The following IL1RAPL2 variants were observed in gnomAD, a reference collection of about 807,000 sequenced individuals.
The protein encoded by IL1RAPL2 is interleukin 1 receptor accessory protein like 2.
Under a neutral mutation model 44.1 loss-of-function variants are expected in IL1RAPL2, and 3 were observed. The ratio of observed to expected loss-of-function variants is 0.07; its 90% CI spans 0.03 to 0.18. The LOEUF (loss-of-function observed/expected upper bound fraction) is 0.18, where lower values mean the gene tolerates loss of function less well. Ranked by LOEUF, IL1RAPL2 falls within the 10% of genes least tolerant of loss-of-function variation. The pLI is 1.00. For missense variants in IL1RAPL2, 391 were observed against 496.4 expected, an observed-to-expected ratio of 0.79 and a Z score of 2.02; for synonymous variants, 181 against 178.8, an observed-to-expected ratio of 1.01 and a Z score of -0.10.
intron 1 of IL1RAPL2, among the ~76,000 whole-genome samples, chrX:104,585,341 TATTA>T (rs1928522023): frequency 7.2e-5 from 1 of 13,841 alleles, no homozygotes; most frequent in Non-Finnish European, 1.0e-4. Flanking sequence ...ATATATTATA[TATTA>T]TATATATTAT....
At chrX:104,626,460 G>A (rs1424045269) in intron 1 of IL1RAPL2, among the ~76,000 whole-genome samples, 1 of 110,350 alleles carries the variant, frequency 9.1e-6, no homozygotes, top group Non-Finnish European at 1.9e-5. Context: ...AAATAAATAT[G>A]AAATATAGAG....
intron 5 of IL1RAPL2, among the ~76,000 whole-genome samples, chrX:105,461,653 T>C (rs2147766693): frequency 8.9e-6 from 1 of 111,784 alleles, no homozygotes; most frequent in Admixed American, 9.5e-5. Flanking sequence ...CACTGATCCT[T>C]CCATCAGAAT....
chrX:104,606,334 C>T (rs1049636729), intron 1 of IL1RAPL2, among the ~76,000 whole-genome samples: 1 of 111,463 alleles, frequency 9.0e-6, no homozygotes, highest in African/African-American at 3.3e-5. Context: ...ATAATAAGAG[C>T]TATTTATGAC....
At chrX:104,635,700 C>G (rs1392656276) in intron 1 of IL1RAPL2, among the ~76,000 whole-genome samples, 1 of 111,819 alleles carries the variant, frequency 8.9e-6, no homozygotes, top group African/African-American at 3.3e-5. Flanking sequence ...CCATCAGCTC[C>G]TTTAAGGACT....
At chrX:104,576,966 C>T (rs5962953) in intron 1 of IL1RAPL2, among the ~76,000 whole-genome samples, 48,956 of 110,866 alleles carry the variant, frequency 0.44, 8,563 homozygotes, top group Middle Eastern at 0.64. Context: ...CTTTCTTTCC[C>T]ATCTGTTTCC....
chrX:105,180,783 T>C (rs1429387292), intron 2 of IL1RAPL2, among the ~76,000 whole-genome samples: 1 of 112,031 alleles, frequency 8.9e-6, no homozygotes, highest in East Asian at 2.8e-4. Context: ...TCATCAGATA[T>C]ATTGGCTTGT....
intron 2 of IL1RAPL2, among the ~76,000 whole-genome samples, chrX:105,158,384 A>G (rs779997397): frequency 6.3e-4 from 71 of 111,932 alleles, no homozygotes; most frequent in African/African-American, 2.3e-3. Flanking sequence ...AATCTAGGCA[A>G]GGACCTCAAT....
intron 5 of IL1RAPL2, among the ~76,000 whole-genome samples, chrX:105,326,830 G>T (rs930995812): frequency 2.7e-5 from 3 of 111,326 alleles, no homozygotes; most frequent in African/African-American, 9.8e-5. Context: ...TCTTTACCAA[G>T]ATTGTTCTGG....
At chrX:104,912,224 G>A (rs1033337068) in intron 2 of IL1RAPL2, among the ~76,000 whole-genome samples, 7 of 109,339 alleles carry the variant, frequency 6.4e-5, no homozygotes, top group Non-Finnish European at 1.3e-4. Context: ...GGCTGGGGAG[G>A]CACTAAATAT....
At chrX:104,782,718 A>G (rs1295584918) in intron 2 of IL1RAPL2, among the ~76,000 whole-genome samples, 1 of 111,737 alleles carries the variant, frequency 8.9e-6, no homozygotes, top group Non-Finnish European at 1.9e-5. Context: ...TGGAAATATC[A>G]GCAATGATTT....
At chrX:105,077,903 G>T (rs2032335181) in intron 2 of IL1RAPL2, among the ~76,000 whole-genome samples, 1 of 111,285 alleles carries the variant, frequency 9.0e-6, no homozygotes, top group African/African-American at 3.3e-5. Context: ...GGTCCTTTAA[G>T]GACTTCTCTG....
intron 2 of IL1RAPL2, among the ~76,000 whole-genome samples, chrX:105,096,592 A>G (rs2032606190): frequency 8.9e-6 from 1 of 112,235 alleles, no homozygotes; most frequent in Admixed American, 9.4e-5. Context: ...CAAATATCAG[A>G]CAGAAAAGGC....
rs768763606 is a variant in IL1RAPL2, at chrX:105,288,718, C to T, written c.697+21177C>T. Among the ~76,000 whole-genome samples, 4 of 109,793 alleles carry T rather than the reference C, an allele frequency of 3.6e-5. No individual in the cohort carries two copies. The South Asian group carries it at 1.6e-3, about 44-fold the overall frequency. On this transcript the variant is annotated intron_variant, in intron 5 of 10. Transcript: ENST00000372582. ...GCCCTAAAAAGTTGCAGTAAATCTC[C>T]TTCACCCCAGTCCCAGGCAACCACC...
intron 2 of IL1RAPL2, among the ~76,000 whole-genome samples, chrX:104,696,664 C>A (rs1387959642): frequency 9.0e-6 from 1 of 111,364 alleles, no homozygotes; most frequent in African/African-American, 3.3e-5. Context: ...GAATAGTTGA[C>A]CAGCCAGTAT....
At chrX:105,530,385 A>G (rs941153814) in intron 6 of IL1RAPL2, among the ~76,000 whole-genome samples, 4 of 111,443 alleles carry the variant, frequency 3.6e-5, no homozygotes, top group African/African-American at 1.3e-4. Context: ...AGAAATATCT[A>G]TTCAACTCCT....
At chrX:105,039,767 A>G (rs1382994239) in intron 2 of IL1RAPL2, among the ~76,000 whole-genome samples, 1 of 111,676 alleles carries the variant, frequency 9.0e-6, no homozygotes, top group African/African-American at 3.3e-5. Context: ...TTATCAGCTT[A>G]AGGAGATTTT....
intron 5 of IL1RAPL2, among the ~76,000 whole-genome samples, chrX:105,387,845 G>C (rs967432575): frequency 9.1e-6 from 1 of 109,561 alleles, no homozygotes; most frequent in Non-Finnish European, 1.9e-5. Context: ...TATGCTTTGC[G>C]TCTGTAGAAA....
chrX:104,809,669 T>G (rs1195435692), intron 2 of IL1RAPL2, among the ~76,000 whole-genome samples: 9 of 109,925 alleles, frequency 8.2e-5, no homozygotes, highest in African/African-American at 2.3e-4. Flanking sequence ...TTTCTCCCAT[T>G]TTGTAGGTTG....
chrX:104,904,693 A>G (rs1774314518), intron 2 of IL1RAPL2, among the ~76,000 whole-genome samples: 1 of 110,128 alleles, frequency 9.1e-6, no homozygotes, highest in African/African-American at 3.3e-5. Context: ...TTCTCAATCC[A>G]GTCTATCATT....
Sources: allele counts gnomAD v4.1 joint callset (sites outside exome capture counted in the v4.1 genomes callset), GRCh38; gene constraint gnomAD v4.1.1; transcripts MANE v1.5; gene names NCBI Gene and HGNC (gene_info 2026-07-23, HGNC 2026-07-21).